The following AGTPBP1 variants were observed in gnomAD, a reference collection of about 807,000 sequenced individuals.
The protein encoded by AGTPBP1 is ATP/GTP binding carboxypeptidase 1.
AGTPBP1 carries 70 observed loss-of-function variants against 143.9 expected under a neutral mutation model. The ratio of observed to expected loss-of-function variants is 0.49; its 90% CI spans 0.40 to 0.59. AGTPBP1 has a LOEUF of 0.59. Ranked by LOEUF, AGTPBP1 falls within the 20% of genes least tolerant of loss-of-function variation. The probability of loss-of-function intolerance (pLI) is 0.00; values close to 1 mark genes in which losing one functional copy is unlikely to be tolerated. For missense variants in AGTPBP1, 1,229 were observed against 1,464.5 expected, an observed-to-expected ratio of 0.84 and a Z score of 2.62; for synonymous variants, 463 against 500.2, an observed-to-expected ratio of 0.93 and a Z score of 0.99.
intron 8 of AGTPBP1, among the ~76,000 whole-genome samples, chr9:85,664,113 A>G (rs922604904): frequency 6.6e-6 from 1 of 152,178 alleles, no homozygotes; most frequent in Non-Finnish European, 1.5e-5. Context: ...CTGAACTTAC[A>G]TGTAACCAAA....
chr9:85,571,006 C>T (rs966780510), intron 25 of AGTPBP1, among the ~76,000 whole-genome samples: 1 of 152,058 alleles, frequency 6.6e-6, no homozygotes, highest in African/African-American at 2.4e-5. Context: ...AGACTTAACC[C>T]TTAGGTGTAG....
chr9:85,566,550 G>T (rs898733782), intron 25 of AGTPBP1, among the ~76,000 whole-genome samples: 6 of 89,928 alleles, frequency 6.7e-5, no homozygotes, highest in Admixed American at 4.0e-4. Context: ...AAAAAAAAAA[G>T]GCTGGTATAG....
chr9:85,622,087 A>G (rs1157928965), intron 14 of AGTPBP1, among the ~76,000 whole-genome samples: 2 of 152,250 alleles, frequency 1.3e-5, no homozygotes, highest in Non-Finnish European at 2.9e-5. Context: ...TAGACTGGCC[A>G]CAAAGTCCTG....
At chr9:85,549,617 G>A (rs1209616581) in intron 25 of AGTPBP1, among the ~76,000 whole-genome samples, 1 of 152,192 alleles carries the variant, frequency 6.6e-6, no homozygotes, top group Non-Finnish European at 1.5e-5. Flanking sequence ...TGAGGAAACA[G>A]AATGAGAGAA....
At chr9:85,581,889 G>A (rs562257238) in intron 23 of AGTPBP1, among the ~76,000 whole-genome samples, 1 of 152,180 alleles carries the variant, frequency 6.6e-6, no homozygotes, top group African/African-American at 2.4e-5. Context: ...GGAAATGCTC[G>A]TTGGAGCATT....
chr9:85,675,219 A>G (rs1227438926), intron 6 of AGTPBP1, among the ~76,000 whole-genome samples: 1 of 152,118 alleles, frequency 6.6e-6, no homozygotes, highest in African/African-American at 2.4e-5. Context: ...TTAAAACACA[A>G]TTCTAATAAT....
the AGTPBP1 span, among the ~76,000 whole-genome samples, chr9:85,762,242 A>G: frequency 6.6e-6 from 1 of 151,406 alleles, no homozygotes; most frequent in South Asian, 2.1e-4. Flanking sequence ...AACTAGAAAT[A>G]CCATTTGACC....
chr9:85,778,589 C>A, the AGTPBP1 span, among the ~76,000 whole-genome samples: 1 of 152,202 alleles, frequency 6.6e-6, no homozygotes, highest in Non-Finnish European at 1.5e-5. Flanking sequence ...CCTTTCAGGT[C>A]ACTCAATAAA....
At chr9:85,714,946 C>G (rs1837607538) in intron 1 of AGTPBP1, among the ~76,000 whole-genome samples, 1 of 151,958 alleles carries the variant, frequency 6.6e-6, no homozygotes, top group South Asian at 2.1e-4. Flanking sequence ...CTTATAATAG[C>G]AGCTTATCAA....
chr9:85,606,852 G>GAT (rs1009622429), intron 17 of AGTPBP1, among the ~76,000 whole-genome samples: 1 of 151,920 alleles, frequency 6.6e-6, no homozygotes, highest in African/African-American at 2.4e-5. Flanking sequence ...TAAAAAAGTT[G>GAT]ATCTCATGGA....
At chr9:85,659,881 G>A (rs866849931) in intron 9 of AGTPBP1, among the ~76,000 whole-genome samples, 7 of 152,058 alleles carry the variant, frequency 4.6e-5, no homozygotes, top group Middle Eastern at 3.2e-3. Flanking sequence ...TCCACGTATT[G>A]TGATCTTGGT....
At chr9:85,643,343 T>C (rs536548159) in intron 12 of AGTPBP1, among the ~76,000 whole-genome samples, 1 of 152,198 alleles carries the variant, frequency 6.6e-6, no homozygotes, top group Non-Finnish European at 1.5e-5. Context: ...TAATTTATTC[T>C]GCATAAGAAC....
chr9:85,728,025 TTA>T (rs1183079145), intron 1 of AGTPBP1, among the ~76,000 whole-genome samples: 334 of 80,380 alleles, frequency 4.2e-3, no homozygotes, highest in Middle Eastern at 7.2e-3. Context: ...AAATATATAT[TTA>T]TATACACACA....
the AGTPBP1 span, among the ~76,000 whole-genome samples, chr9:85,775,582 A>C: frequency 6.9e-6 from 1 of 144,794 alleles, no homozygotes; most frequent in Non-Finnish European, 1.5e-5. Context: ...GATTTATATT[A>C]TATAAATATA....
At chr9:85,769,584 T>C in the AGTPBP1 span, among the ~76,000 whole-genome samples, 1 of 151,958 alleles carries the variant, frequency 6.6e-6, no homozygotes, top group Non-Finnish European at 1.5e-5. Flanking sequence ...TTCATCGATC[T>C]TCTCTAGTAT....
chr9:85,590,779 A>C (rs1181451063), intron 19 of AGTPBP1, among the ~76,000 whole-genome samples: 6 of 152,152 alleles, frequency 3.9e-5, no homozygotes, highest in Non-Finnish European at 8.8e-5. Context: ...CAGAGGGAAA[A>C]ATATTAGGAA....
the AGTPBP1 span, chr9:85,770,408 G>A: frequency 1.2e-4 from 194 of 1,603,402 alleles, no homozygotes; most frequent in Non-Finnish European, 1.5e-4. Flanking sequence ...AACCTCTCTC[G>A]TGGTGAAGCA....
chr9:85,578,594 T>A (rs1047958353), intron 24 of AGTPBP1, among the ~76,000 whole-genome samples: 5 of 152,214 alleles, frequency 3.3e-5, no homozygotes, highest in South Asian at 2.1e-4. Context: ...CAATAGAAAA[T>A]TTTTAAGGTA....
intron 1 of AGTPBP1, among the ~76,000 whole-genome samples, chr9:85,734,575 T>A (rs568952277): frequency 6.6e-6 from 1 of 152,324 alleles, no homozygotes; most frequent in East Asian, 1.9e-4. Flanking sequence ...GCTATTAGGA[T>A]GGCTGCTACC....
Sources: allele counts gnomAD v4.1 joint callset (sites outside exome capture counted in the v4.1 genomes callset), GRCh38; gene constraint gnomAD v4.1.1; transcripts MANE v1.5; gene names NCBI Gene and HGNC (gene_info 2026-07-23, HGNC 2026-07-21).